The following PFKFB3 variants were observed in gnomAD, a reference collection of about 807,000 sequenced individuals.
PFKFB3 encodes 6-phosphofructo-2-kinase/fructose-2,6-bisphosphatase 3.
A neutral mutation model predicts 68.0 loss-of-function variants in PFKFB3; 33 were observed. That is an observed-to-expected ratio of 0.49 (90% confidence interval 0.37 to 0.65). The LOEUF (loss-of-function observed/expected upper bound fraction) is 0.65, where lower values mean the gene tolerates loss of function less well. PFKFB3 is among the 30% of genes least tolerant of loss of function. The pLI is 0.00. For missense variants in PFKFB3, 586 were observed against 712.2 expected (o/e 0.82, Z 2.02); for synonymous variants, 315 against 288.2 (o/e 1.09, Z -0.94).
chr10:6,242,438 T>C (rs1333177439), intron 14 of PFKFB3, among the ~76,000 whole-genome samples: 1 of 152,182 alleles, frequency 6.6e-6, no homozygotes, highest in African/African-American at 2.4e-5. Flanking sequence ...CAGAAGCAGG[T>C]ACCTCGTTTT....
At chr10:6,303,281 A>G in the PFKFB3 span, among the ~76,000 whole-genome samples, 1 of 152,220 alleles carries the variant, frequency 6.6e-6, no homozygotes, top group South Asian at 2.1e-4. Context: ...CAAGAAAAAG[A>G]AAAAGAAAGA....
At chr10:6,291,555 CAAAAA>C in the PFKFB3 span, among the ~76,000 whole-genome samples, 1 of 59,102 alleles carries the variant, frequency 1.7e-5, no homozygotes, top group Non-Finnish European at 3.8e-5. Flanking sequence ...GACTCTGTCT[CAAAAA>C]AAAAAAAAAA....
chr10:6,272,596 G>T, the PFKFB3 span, among the ~76,000 whole-genome samples: 2 of 152,238 alleles, frequency 1.3e-5, no homozygotes, highest in Non-Finnish European at 2.9e-5. Context: ...TTGGGAGGCT[G>T]AGGCAGGAGA....
At chr10:6,279,509 T>G in the PFKFB3 span, among the ~76,000 whole-genome samples, 1 of 152,138 alleles carries the variant, frequency 6.6e-6, no homozygotes, top group East Asian at 1.9e-4. Flanking sequence ...TCTTGGTTCT[T>G]TGGTTGATGT....
chr10:6,248,652 A>G (rs4747963), intron 14 of PFKFB3, among the ~76,000 whole-genome samples: 13,595 of 90,760 alleles, frequency 0.15, 1,918 homozygotes, highest in African/African-American at 0.37. Flanking sequence ...AAAAAAAAAA[A>G]GGCAGGGGAT....
intron 1 of PFKFB3, among the ~76,000 whole-genome samples, chr10:6,167,931 C>A (rs979128643): frequency 6.7e-6 from 1 of 148,990 alleles, no homozygotes; most frequent in African/African-American, 2.5e-5. Context: ...GGTCCTTTGT[C>A]CCTTGCTAAG....
intron 1 of PFKFB3, among the ~76,000 whole-genome samples, chr10:6,147,653 C>T (rs922958652): frequency 2.6e-5 from 4 of 152,218 alleles, no homozygotes; most frequent in Non-Finnish European, 4.4e-5. Flanking sequence ...TTGGAGGGGG[C>T]GGGCAGTGTG....
intron 1 of PFKFB3, chr10:6,149,930 T>C (rs4750023): frequency 0.98 from 148,969 of 152,328 alleles, 72,938 homozygotes; most frequent in Middle Eastern, 1. Flanking sequence ...TTTTTATGGC[T>C]GAGTAGTATT....
the PFKFB3 span, among the ~76,000 whole-genome samples, chr10:6,289,845 G>T: frequency 7.2e-5 from 11 of 151,842 alleles, no homozygotes; most frequent in East Asian, 1.9e-3. Context: ...AGCATGGAAT[G>T]TTCTTCCATT....
At chr10:6,272,518 C>T in the PFKFB3 span, among the ~76,000 whole-genome samples, 1 of 151,992 alleles carries the variant, frequency 6.6e-6, no homozygotes, top group African/African-American at 2.4e-5. Context: ...ACATGGTGAA[C>T]CCCGTCTCTA....
intron 1 of PFKFB3, among the ~76,000 whole-genome samples, chr10:6,210,365 T>TG (rs1491406644): frequency 6.4e-5 from 2 of 31,308 alleles, no homozygotes; most frequent in African/African-American, 1.7e-4. Context: ...TGTTTTTTTG[T>TG]TTTTTTTTTT....
chr10:6,175,419 T>C (rs1182630961), intron 1 of PFKFB3, among the ~76,000 whole-genome samples: 1 of 152,138 alleles, frequency 6.6e-6, no homozygotes, highest in Non-Finnish European at 1.5e-5. Flanking sequence ...TGTTTGTAGG[T>C]GGGAACTCAT....
intron 2 of PFKFB3, among the ~76,000 whole-genome samples, chr10:6,214,831 G>A (rs944748311): frequency 6.6e-6 from 1 of 152,210 alleles, no homozygotes; most frequent in Admixed American, 6.5e-5. Context: ...TGGGCATGAG[G>A]CCCCACTCGC....
chr10:6,162,553 C>G lies in PFKFB3; in HGVS notation c.16+17540C>G, dbSNP rs1266435553. Among the ~76,000 whole-genome samples the G allele has an allele frequency of 2.0e-5, 3 of 152,172 alleles. No homozygotes were observed. In the South Asian group the frequency reaches 6.2e-4, roughly 31 times the overall value. ...TCTTTTGTAAAGAAGCTCTTTCCTG[C>G]CCATCCTCCCTTTTACTAGCTTTAA... On this transcript the variant is annotated intron_variant, in intron 1 of 14. Coordinates refer to the PFKFB3 transcript ENST00000379789.
Position 6,186,579 on chromosome 10 carries a change from C to G in PFKFB3, c.17-27044C>G, listed in dbSNP as rs528146832. Among the ~76,000 whole-genome samples the G allele has an allele frequency of 3.3e-5, 5 of 152,306 alleles. No individual in the cohort carries two copies. In the South Asian group the frequency reaches 1.0e-3, roughly 32 times the overall value. The stretch of plus-strand genomic sequence containing the variant: ...GTCACAGATCATTTCAAGAATGGCA[C>G]TGTGTATGTGGATTGGAGATTAAAT... On this transcript the variant is annotated intron_variant, in intron 1 of 14. Coordinates refer to the PFKFB3 transcript ENST00000379789.
At chr10:6,184,211 C>T (rs1216713427) in intron 1 of PFKFB3, among the ~76,000 whole-genome samples, 3 of 151,404 alleles carry the variant, frequency 2.0e-5, no homozygotes, top group Non-Finnish European at 4.4e-5. Context: ...CACCACCACG[C>T]CCGGTTAATT....
At position 6,215,244 on chromosome 10, in the gene PFKFB3, C is replaced by G; in HGVS notation, c.226C>G (p.Arg76Gly). 1 of 1,613,952 alleles carries G rather than the reference C, an allele frequency of 6.2e-7. No homozygotes were observed. Among genetic ancestry groups the G allele is most frequent in the East Asian group, 2.2e-5 (1 of 44,880 alleles). The change falls in exon 3 of 15, where the codon CGG becomes GGG. Residue 76 changes from arginine (R) to glycine (G), a missense_variant. Physicochemically the swap from Arg to Gly is moderately radical, Grantham distance 125. Coordinates refer to ENST00000379775, the MANE Select transcript of PFKFB3 (RefSeq NM_004566.4). This position sits in a 1 kb window ranked among gnomAD's most constrained non-coding sequence, Gnocchi z 4.3. ...AGTGTTCAACGTCGGGGAGTATCGC[C>G]GGGAGGCTGTGAAGCAGTACAGCTC... ...TKVFNVGEYR[R>G]EAVKQYSSYN... is the part of the protein sequence containing the mutation.
intron 1 of PFKFB3, among the ~76,000 whole-genome samples, chr10:6,180,025 A>T (rs1474922145): frequency 6.6e-6 from 1 of 152,032 alleles, no homozygotes; most frequent in Non-Finnish European, 1.5e-5. Context: ...CGCAGCATTT[A>T]ACCATTCAAA....
intron 1 of PFKFB3, among the ~76,000 whole-genome samples, chr10:6,165,854 G>T (rs79197881): frequency 0.011 from 1,630 of 149,884 alleles, 68 homozygotes; most frequent in East Asian, 0.1. Context: ...TCACTCTGTC[G>T]CCCAGACTGA....
Sources: allele counts gnomAD v4.1 joint callset (sites outside exome capture counted in the v4.1 genomes callset), GRCh38; gene constraint gnomAD v4.1.1; non-coding constraint Gnocchi (gnomAD v3.1); transcripts MANE v1.5; gene names NCBI Gene and HGNC (gene_info 2026-07-23, HGNC 2026-07-21).